GULP1: variants seen among roughly 807,000 people sequenced by gnomAD.
GULP1 encodes PTB domain-containing engulfment adapter protein 1.
In GULP1, 19 loss-of-function variants were observed where a neutral mutation model predicts 40.9. The ratio of observed to expected loss-of-function variants is 0.46; its 90% confidence interval spans 0.32 to 0.68. GULP1 has a LOEUF of 0.68. GULP1 is among the 30% of genes least tolerant of loss of function. The pLI is 0.03. For synonymous variants in GULP1, 119 were observed against 117.6 expected (o/e 1.01, Z -0.08); for missense variants, 312 against 362.2 (o/e 0.86, Z 1.12).
intron 2 of GULP1, among the ~76,000 whole-genome samples, chr2:188,401,759 T>C (rs2052328890): frequency 6.6e-6 from 1 of 152,272 alleles, no homozygotes; most frequent in East Asian, 1.9e-4. Flanking sequence ...TAACTTTAGC[T>C]TGAAGCATTT....
intron 2 of GULP1, among the ~76,000 whole-genome samples, chr2:188,455,912 A>T (rs1436398927): frequency 6.6e-6 from 1 of 152,194 alleles, no homozygotes; most frequent in Admixed American, 6.5e-5. Context: ...AAGAGGAGGA[A>T]CTTGTTAGGA....
At chr2:188,444,780 C>T (rs1415660978) in intron 2 of GULP1, among the ~76,000 whole-genome samples, 1 of 152,156 alleles carries the variant, frequency 6.6e-6, no homozygotes, top group Non-Finnish European at 1.5e-5. Flanking sequence ...TTGTGCATTT[C>T]AGGTCAGCAA....
chr2:188,474,177 C>T (rs1046848369), intron 2 of GULP1, among the ~76,000 whole-genome samples: 1 of 152,276 alleles, frequency 6.6e-6, no homozygotes, highest in African/African-American at 2.4e-5. Flanking sequence ...GTCCTTTCCA[C>T]TCTTCCCTCT....
intron 1 of GULP1, among the ~76,000 whole-genome samples, chr2:188,313,339 G>A (rs1252692026): frequency 1.3e-5 from 2 of 151,966 alleles, no homozygotes; most frequent in African/African-American, 4.8e-5. Context: ...TCTGCATATG[G>A]CTAGCCAGTT....
At chr2:188,575,263 T>C (rs892691624) in intron 9 of GULP1, among the ~76,000 whole-genome samples, 4 of 152,188 alleles carry the variant, frequency 2.6e-5, no homozygotes, top group African/African-American at 9.6e-5. Flanking sequence ...GTCTCACTTG[T>C]CTATTGTATA....
At chr2:188,378,090 A>G (rs774619105) in intron 1 of GULP1, among the ~76,000 whole-genome samples, 23 of 152,180 alleles carry the variant, frequency 1.5e-4, no homozygotes, top group Non-Finnish European at 3.1e-4. Flanking sequence ...AGTGTTTCAC[A>G]AACTTTGTAA....
At chr2:188,483,147 A>G (rs1389568061) in intron 3 of GULP1, among the ~76,000 whole-genome samples, 1 of 152,078 alleles carries the variant, frequency 6.6e-6, no homozygotes, top group African/African-American at 2.4e-5. Flanking sequence ...GCAATTACTC[A>G]TAGCCCACTG....
Position 188,529,138 on chromosome 2 carries a change from T to C in GULP1, c.204T>C (p.Pro68=). 3.8e-6 allele frequency: 6 copies of C among 1,587,636 alleles called. No homozygotes were observed. The highest frequency in any genetic ancestry group is 5.2e-6 in the Non-Finnish European group (6 of 1,162,548). Residue 68 remains proline (P), a synonymous_variant, in exon 6 of 12, where the codon CCT becomes CCC. Transcript: ENST00000409830. ...HIKKSEGQKI[P]KVELQISIYG... is the part of the protein sequence containing the mutation. ...AGAAATCTGAAGGCCAGAAAATTCC[T>C]AAAGTGGAGTTGCAAATATCAATTT...
intron 1 of GULP1, among the ~76,000 whole-genome samples, chr2:188,310,162 G>T (rs1287810867): frequency 1.3e-5 from 2 of 152,132 alleles, no homozygotes; most frequent in African/African-American, 4.8e-5. Flanking sequence ...TGTAGCTGTG[G>T]ACTCTGAGGA....
At chr2:188,360,389 A>C (rs2045926659) in intron 1 of GULP1, among the ~76,000 whole-genome samples, 1 of 152,044 alleles carries the variant, frequency 6.6e-6, no homozygotes. Context: ...CTAACACTAA[A>C]TTTCAAGCAA....
At chr2:188,489,108 A>C (rs1252235059) in intron 4 of GULP1, among the ~76,000 whole-genome samples, 1 of 152,028 alleles carries the variant, frequency 6.6e-6, no homozygotes, top group African/African-American at 2.4e-5. Flanking sequence ...CTAATTGAAA[A>C]AAATTCAGGT....
At chr2:188,357,724 T>C (rs1376394012) in intron 1 of GULP1, among the ~76,000 whole-genome samples, 1 of 152,126 alleles carries the variant, frequency 6.6e-6, no homozygotes, top group Non-Finnish European at 1.5e-5. Flanking sequence ...AAGATCAGTA[T>C]ATTAAAGAGA....
At chr2:188,413,611 G>A (rs938925716) in intron 2 of GULP1, among the ~76,000 whole-genome samples, 3 of 152,128 alleles carry the variant, frequency 2.0e-5, no homozygotes, top group Non-Finnish European at 4.4e-5. Context: ...CATTATGTGT[G>A]CAATTATTTT....
At chr2:188,576,145 T>C (rs1700132576) in intron 9 of GULP1, among the ~76,000 whole-genome samples, 1 of 152,104 alleles carries the variant, frequency 6.6e-6, no homozygotes, top group South Asian at 2.1e-4. Flanking sequence ...TTGCCTACGT[T>C]ATTTCTGCCA....
At chr2:188,569,612 G>A in intron 8 of GULP1, 1 of 432,124 alleles carries the variant, frequency 2.3e-6, no homozygotes, top group African/African-American at 2.1e-5. Flanking sequence ...GCTTCTCATG[G>A]GGATCAGAGC....
At chr2:188,528,703 A>G (rs367678666) in intron 5 of GULP1, among the ~76,000 whole-genome samples, 1 of 152,148 alleles carries the variant, frequency 6.6e-6, no homozygotes, top group African/African-American at 2.4e-5. Context: ...AAAATGGCAA[A>G]GAGGGCATAT....
intron 1 of GULP1, among the ~76,000 whole-genome samples, chr2:188,298,050 G>A (rs2035363604): frequency 6.6e-6 from 1 of 152,000 alleles, no homozygotes; most frequent in East Asian, 1.9e-4. Flanking sequence ...ACTAATGAGA[G>A]TTTTAAGAAA....
rs2047212028 is a variant in GULP1 at position 188,368,945 on chromosome 2, A to ATATATATATATATATATATATGTG, written c.-171-14797_-171-14796insGTGTATATATATATATATATATAT. ...TATGTATATATATATGTGTGTATAT[A>ATATATATATATATATATATATGTG]TATATATATATATATATATATATAT... On this transcript the variant is annotated intron_variant, in intron 1 of 11. Coordinates refer to ENST00000409830, the MANE Select transcript of GULP1 (RefSeq NM_016315.4). Among the ~76,000 whole-genome samples the ATATATATATATATATATATATGTG allele has an allele frequency of 1.9e-4, 5 of 26,368 alleles. No homozygotes were observed. The South Asian group carries it at 3.6e-3, about 19-fold the overall frequency. The allele number at this position is 26,368 out of a possible 152,430, so 17.3% of individuals were successfully genotyped here.
rs1698519925 is a variant in GULP1 at position 188,569,342 on chromosome 2, G to C, written c.503G>C (p.Gly168Ala). 2 of 1,538,766 alleles carry C rather than the reference G, an allele frequency of 1.3e-6. No homozygotes were observed. The highest frequency in any genetic ancestry group is 2.7e-5 in the African/African-American group (2 of 73,314). Residue 168 changes from glycine to alanine, a missense_variant, in exon 8 of 12, where the codon GGG (glycine) becomes GCG (alanine). Coordinates refer to ENST00000409830, the MANE Select transcript of GULP1 (RefSeq NM_016315.4). ...KDVETRKQIAGLQKRIQDLET... is the reference protein window; with the variant it reads ...KDVETRKQIAALQKRIQDLET... Reference sequence around the variant, plus strand: ...GTTGAAACAAGAAAACAGATCGCAGGGTTACAAAAAAGAGTGAGTAAACTA... The same window carrying C: ...GTTGAAACAAGAAAACAGATCGCAGCGTTACAAAAAAGAGTGAGTAAACTA...
Sources: allele counts gnomAD v4.1 joint callset (sites outside exome capture counted in the v4.1 genomes callset), GRCh38; gene constraint gnomAD v4.1.1; transcripts MANE v1.5; gene names NCBI Gene and HGNC (gene_info 2026-07-23, HGNC 2026-07-21).